REXO2: variants seen among roughly 807,000 people sequenced by gnomAD.
REXO2 encodes the protein RNA exonuclease 2.
A neutral mutation model predicts 30.9 loss-of-function variants in REXO2; 17 were observed. The ratio of observed to expected loss-of-function variants is 0.55; its 90% CI spans 0.38 to 0.82. The LOEUF (loss-of-function observed/expected upper bound fraction) is 0.82. REXO2 is among the 40% of genes least tolerant of loss of function. REXO2 has a pLI of 0.00. For synonymous variants in REXO2, 105 were observed against 99.6 expected, an observed-to-expected ratio of 1.05 and a Z score of -0.32; for missense variants, 253 against 293.2, an observed-to-expected ratio of 0.86 and a Z score of 1.00.
chr11:114,440,848 G>A lies in REXO2; in HGVS notation c.231+109G>A, dbSNP rs1159282733. Reference sequence around the variant, plus strand: ...AAAATAAGAAAGTTGAGGTCTATATGGGTTAAGGTAATGTGCTAGGTCATG... The same window carrying A: ...AAAATAAGAAAGTTGAGGTCTATATAGGTTAAGGTAATGTGCTAGGTCATG... On this transcript the variant is annotated intron_variant, in intron 2 of 6. Transcript: ENST00000265881. 2.1e-5 allele frequency: 17 copies of A among 815,566 alleles called. No homozygotes were observed. The East Asian group carries it at 4.5e-4, about 21-fold the overall frequency. The allele number at this position is 815,566 out of a possible 1,614,324, so 50.5% of individuals were successfully genotyped here.
chr11:114,446,267 C>A (rs654531), intron 5 of REXO2, 180 bp downstream of exon 5: 222,757 of 402,606 alleles, frequency 0.55, 64,354 homozygotes, highest in African/African-American at 0.81. Context: ...GAATTGGGAG[C>A]AACAACGTCA....
At chr11:114,439,730 C>T (rs1946461976) in intron 1 of REXO2, 55 bp downstream of exon 1, 2 of 1,438,246 alleles carry the variant, frequency 1.4e-6, no homozygotes, top group South Asian at 1.5e-5. Flanking sequence ...GCTCGTGGAA[C>T]CGAGGAGTCG....
At position 114,440,704 on chromosome 11, in the gene REXO2, C is replaced by A; in HGVS notation, c.196C>A (p.Leu66Met). 4.3e-6 allele frequency: 7 copies of A among 1,613,866 alleles called. No individual in the cohort carries two copies. Among genetic ancestry groups the A allele is most frequent in the Non-Finnish European group, 5.1e-6 (6 of 1,179,848 alleles). The change falls in exon 2 of 7, where the codon CTG (leucine) becomes ATG (methionine). Residue 66 changes from leucine (L) to methionine (M), a missense_variant. Transcript: ENST00000265881. Reference protein sequence around the residue: ...EKDQIIEMACLITDSDLNILA... With the variant: ...EKDQIIEMACMITDSDLNILA... The stretch of plus-strand genomic sequence containing the variant: ...GGACCAGATTATTGAGATGGCCTGT[C>A]TGATAACTGACTCTGATCTCAACAT...
chr11:114,446,135 T>C, intron 5 of REXO2, 48 bp downstream of exon 5: 1 of 1,065,604 alleles, frequency 9.4e-7, no homozygotes, highest in South Asian at 1.5e-5. Flanking sequence ...TTAGCATGTT[T>C]TAATTGAGAA....
chr11:114,445,713 C>T (rs1946506367), intron 4 of REXO2: 1 of 313,848 alleles, frequency 3.2e-6, no homozygotes, highest in African/African-American at 2.2e-5. Context: ...TGCATTACAT[C>T]AAGCATGTGG....
intron 2 of REXO2, chr11:114,440,992 A>G: frequency 2.7e-6 from 1 of 367,966 alleles, no homozygotes; most frequent in Non-Finnish European, 4.9e-6. Context: ...TCTGTCGTTT[A>G]CTGAGCGCTT....
chr11:114,440,592 A>C, intron 1 of REXO2, 64 bp from the exon 2 acceptor site: 11 of 1,222,428 alleles, frequency 9.0e-6, no homozygotes, highest in African/African-American at 1.5e-5. Context: ...CTGTTAAATA[A>C]ACTTGGGTAA....
chr11:114,441,508 T>C (rs967754629), intron 2 of REXO2, among the ~76,000 whole-genome samples: 2 of 152,184 alleles, frequency 1.3e-5, no homozygotes, highest in African/African-American at 4.8e-5. Flanking sequence ...CATGAAACAT[T>C]TAATAAGGAT....
At chr11:114,440,537 C>A in intron 1 of REXO2, 119 bp from the exon 2 acceptor site, 2 of 715,880 alleles carry the variant, frequency 2.8e-6, no homozygotes, top group Non-Finnish European at 4.7e-6. Context: ...TCTTTCTCTT[C>A]TGTTTCGGCT....
chr11:114,445,916 T>G, intron 4 of REXO2, 63 bp from the exon 5 acceptor site: 1 of 876,792 alleles, frequency 1.1e-6, no homozygotes, highest in South Asian at 1.4e-5. Flanking sequence ...AACTTATGAA[T>G]TTTGATATCC....
At chr11:114,441,175 G>T (rs1373813473) in intron 2 of REXO2, 1 of 158,540 alleles carries the variant, frequency 6.3e-6, no homozygotes, top group Non-Finnish European at 1.4e-5. Flanking sequence ...GGGGAGCCAA[G>T]AGTTTAACTC....
intron 6 of REXO2, among the ~76,000 whole-genome samples, chr11:114,448,468 A>G (rs1210628355): frequency 6.6e-6 from 1 of 152,200 alleles, no homozygotes; most frequent in East Asian, 1.9e-4. Context: ...AACCCCTATG[A>G]TGTACCTTGC....
rs777368668 is a variant in REXO2 at position 114,439,586 on chromosome 11, CG to C, written c.60del (p.Phe21SerfsTer30). ...LLRGVGGSHG[R>X]FGARGVREGG... ...GCGGGGTGTAGGTGGGAGTCACGGACGGTTCGGGGCCCGAGGTGTCCGCGAA... is the reference window on the plus strand; with the variant it reads ...GCGGGGTGTAGGTGGGAGTCACGGACGTTCGGGGCCCGAGGTGTCCGCGAA... On this transcript the variant is annotated frameshift_variant, in exon 1 of 7. Transcript: ENST00000265881. LOFTEE classifies it high-confidence loss of function. The C allele has an allele frequency of 3.1e-6, 5 of 1,608,718 alleles. No individual in the cohort carries two copies. The highest frequency in any genetic ancestry group is 3.6e-4 in the Middle Eastern group (2 of 5,570).
chr11:114,442,857 G>A (rs1396453091), intron 2 of REXO2, among the ~76,000 whole-genome samples: 2 of 151,858 alleles, frequency 1.3e-5, no homozygotes, highest in Non-Finnish European at 1.5e-5. Flanking sequence ...TTTGTGTTTT[G>A]GATATCAACA....
intron 5 of REXO2, among the ~76,000 whole-genome samples, chr11:114,447,314 G>A (rs1280658806): frequency 6.6e-6 from 1 of 152,196 alleles, no homozygotes; most frequent in African/African-American, 2.4e-5. Flanking sequence ...TGATAAAAAT[G>A]TGAGAGGGTC....
intron 5 of REXO2, among the ~76,000 whole-genome samples, chr11:114,447,148 G>T (rs1027806450): frequency 2.6e-5 from 4 of 151,812 alleles, no homozygotes; most frequent in African/African-American, 9.7e-5. Flanking sequence ...CCGTGGTCTC[G>T]ATCTCCTGAC....
chr11:114,445,775 G>C (rs1946506662), intron 4 of REXO2: 1 of 507,788 alleles, frequency 2.0e-6, no homozygotes, highest in African/African-American at 1.9e-5. Flanking sequence ...AATTTATAAG[G>C]AGCTAAACTG....
Position 114,450,098 on chromosome 11 carries a change from A to G in REXO2, c.*123A>G. The G allele has an allele frequency of 1.1e-6, 1 of 934,152 alleles. No homozygotes were observed. The highest frequency in any genetic ancestry group is 1.6e-6 in the Non-Finnish European group (1 of 626,414). 57.9% of individuals were successfully genotyped at this position (934,152 alleles called of 1,614,324 possible). ...CTTGCATCTCCAGATTGATTACTCA[A>G]GCAGACAGCACACGAAATACTATTT... is the stretch of plus-strand genomic sequence containing the variant. On this transcript the variant is annotated 3_prime_UTR_variant, in exon 7 of 7. Coordinates refer to ENST00000265881, the MANE Select transcript of REXO2 (RefSeq NM_015523.4).
intron 5 of REXO2, among the ~76,000 whole-genome samples, chr11:114,446,667 A>G (rs1265240377): frequency 2.6e-5 from 4 of 152,322 alleles, no homozygotes; most frequent in African/African-American, 7.2e-5. Flanking sequence ...AGACAGAAGT[A>G]TAAGAATGTG....
Sources: gnomAD v4.1 joint callset for allele counts (sites outside exome capture counted in the v4.1 genomes callset) on GRCh38, gnomAD v4.1.1 for gene constraint, MANE v1.5 for transcripts, NCBI Gene and HGNC (gene_info 2026-07-23, HGNC 2026-07-21) for gene names.